SYNE1: variants seen among roughly 807,000 people sequenced by gnomAD.
The protein encoded by SYNE1 is nesprin-1.
SYNE1 carries 616 observed loss-of-function variants against 1,111.0 expected under a neutral mutation model. The ratio of observed to expected loss-of-function variants is 0.55; its 90% CI spans 0.52 to 0.59. The LOEUF (loss-of-function observed/expected upper bound fraction) is 0.59. Among genes scored for constraint, SYNE1 ranks in the 20% least tolerant of loss-of-function variants. SYNE1 has a pLI of 0.00. For synonymous variants in SYNE1, 3,855 were observed against 3,825.8 expected, an observed-to-expected ratio of 1.01 and a Z score of -0.28; for missense variants, 10,006 against 10,417.0, an observed-to-expected ratio of 0.96 and a Z score of 1.72.
intron 124 of SYNE1, 84 bp downstream of exon 124, chr6:152,211,410 T>TTCA: frequency 8.9e-7 from 1 of 1,128,242 alleles, no homozygotes; most frequent in Non-Finnish European, 1.3e-6. Context: ...GAAGATTGGA[T>TTCA]ATATGCCCTC....
intron 55 of SYNE1, among the ~76,000 whole-genome samples, chr6:152,383,441 C>T (rs1034861080): frequency 6.6e-6 from 1 of 152,128 alleles, no homozygotes; most frequent in African/African-American, 2.4e-5. Flanking sequence ...ACTGGTTGCC[C>T]AACAGCCTCA....
chr6:152,514,720 A>G (rs2099102946), intron 6 of SYNE1, among the ~76,000 whole-genome samples: 1 of 152,166 alleles, frequency 6.6e-6, no homozygotes, highest in Non-Finnish European at 1.5e-5. Context: ...CACACAAAGA[A>G]AATGTCATGC....
intron 3 of SYNE1, among the ~76,000 whole-genome samples, chr6:152,602,542 AG>A (rs2099598665): frequency 6.6e-6 from 1 of 152,208 alleles, no homozygotes; most frequent in South Asian, 2.1e-4. Flanking sequence ...AAGGTAACAC[AG>A]GTACATCTGC....
intron 129 of SYNE1, among the ~76,000 whole-genome samples, chr6:152,177,280 G>A (rs1282876460): frequency 1.3e-5 from 2 of 152,146 alleles, no homozygotes; most frequent in Non-Finnish European, 2.9e-5. Flanking sequence ...CAAGAGATAA[G>A]CACGAAATGG....
chr6:152,514,670 A>C (rs1162801188), intron 6 of SYNE1, among the ~76,000 whole-genome samples: 1 of 152,014 alleles, frequency 6.6e-6, no homozygotes, highest in East Asian at 1.9e-4. Flanking sequence ...AAAAAAAAAA[A>C]AATGAAGAGA....
rs2095499199 is a variant in SYNE1, at chr6:152,310,005, C to T, written c.17032G>A (p.Glu5678Lys). 7.4e-6 allele frequency: 12 copies of T among 1,613,792 alleles called. No individual in the cohort carries two copies. Among genetic ancestry groups the T allele is most frequent in the African/African-American group, 1.3e-5 (1 of 75,006 alleles). Residue 5678 changes from glutamate (E) to lysine (K), a missense_variant, in exon 90 of 146, where the codon GAG becomes AAG. By Grantham distance (56) the Glu-to-Lys change is moderately conservative. This residue lies in a region of SYNE1 where 4,955 missense variants were observed against 5,017.2 expected (regional missense o/e 0.99). Coordinates refer to ENST00000367255, the MANE Select transcript of SYNE1 (RefSeq NM_182961.4). The stretch of plus-strand genomic sequence containing the variant: ...ACCTTCGGCTTCAGTGACTCCATCT[C>T]AGACAACAAATGCTGAAAATGCAAT... ...QLSHRQHLLSEMESLKPKVQA... is the reference protein window; with the variant it reads ...QLSHRQHLLSKMESLKPKVQA...
At chr6:152,271,620 T>C (rs1240564785) in intron 98 of SYNE1, among the ~76,000 whole-genome samples, 1 of 152,210 alleles carries the variant, frequency 6.6e-6, no homozygotes, top group African/African-American at 2.4e-5. Flanking sequence ...CTGGAACCCA[T>C]GATTTTCTGC....
At chr6:152,579,354 T>C (rs141289155) in intron 3 of SYNE1, among the ~76,000 whole-genome samples, 1 of 152,328 alleles carries the variant, frequency 6.6e-6, no homozygotes, top group Non-Finnish European at 1.5e-5. Context: ...TCAGCTACCA[T>C]GTTGTGAGGA....
intron 127 of SYNE1, among the ~76,000 whole-genome samples, chr6:152,197,620 C>A (rs149610133): frequency 1.3e-5 from 2 of 152,278 alleles, no homozygotes; most frequent in East Asian, 3.9e-4. Flanking sequence ...AGGGTGACTA[C>A]GTGCATTATC....
At position 152,520,549 on chromosome 6, in the gene SYNE1, A is replaced by C. The variant is rs762635667; in HGVS notation, c.226-7T>G. ...GGCGTCCTTGTTCACAAGGCTGTAA[A>C]AAGTGGGGTAAAAAAGGGAATGAGA... On this transcript the variant is annotated splice_region_variant and splice_polypyrimidine_tract_variant and intron_variant, in intron 5 of 145. Transcript: ENST00000367255. 5.0e-6 allele frequency: 8 copies of C among 1,613,586 alleles called. No individual in the cohort carries two copies. Among genetic ancestry groups the C allele is most frequent in the Non-Finnish European group, 6.8e-6 (8 of 1,179,620 alleles).
At chr6:152,384,750 G>A (rs1178400897) in intron 55 of SYNE1, among the ~76,000 whole-genome samples, 2 of 152,052 alleles carry the variant, frequency 1.3e-5, no homozygotes, top group African/African-American at 2.4e-5. Flanking sequence ...GTGGTGGTCA[G>A]CACCTGTAAT....
chr6:152,182,988 A>AACTC (rs113956064), intron 128 of SYNE1, among the ~76,000 whole-genome samples: 95,369 of 151,576 alleles, frequency 0.63, 31,695 homozygotes, highest in African/African-American at 0.87. Context: ...AAGGGCAGTG[A>AACTC]ACTTGGGGTA....
chr6:152,221,509 G>T lies in SYNE1; in HGVS notation c.21573C>A (p.Gly7191=), dbSNP rs1259790868. Residue 7191 remains glycine (G), a synonymous_variant, in exon 118 of 146, where the codon GGC becomes GGA. Coordinates refer to ENST00000367255, the MANE Select transcript of SYNE1 (RefSeq NM_182961.4). The stretch of plus-strand genomic sequence containing the variant: ...CTTTTAATAATTGGTTGGTGATAGA[G>T]CCAAATTTCTGTAAGCTCCTTTCCT... ...EKQERSLQKF[G]SITNQLLKEC... 6.2e-7 allele frequency: 1 copy of T among 1,613,744 alleles called. No individual in the cohort carries two copies. Among genetic ancestry groups the T allele is most frequent in the Non-Finnish European group, 8.5e-7 (1 of 1,179,930 alleles).
chr6:152,214,939 G>C lies in SYNE1; in HGVS notation c.22313C>G (p.Ser7438Cys). Residue 7438 changes from serine to cysteine, a missense_variant, in exon 122 of 146, where the codon TCT (serine) becomes TGT (cysteine). By Grantham distance (112) the Ser-to-Cys change is moderately radical. Around this residue, in one of 7 missense-constraint regions of SYNE1, gnomAD observed 2,182 missense variants for 2,287.8 expected, o/e 0.95. Coordinates refer to ENST00000367255, the MANE Select transcript of SYNE1 (RefSeq NM_182961.4). ...TTCTGTAGTCTGAGAGGAGATCAGA[G>C]ACCAATGGCGGTTCAGATTCTGCAT... is the stretch of plus-strand genomic sequence containing the variant. ...KRMQNLNRHW[S>C]LISSQTTERF... is the part of the protein sequence containing the mutation. 6.2e-7 allele frequency: 1 copy of C among 1,614,142 alleles called. No homozygotes were observed. Among genetic ancestry groups the C allele is most frequent in the Non-Finnish European group, 8.5e-7 (1 of 1,179,994 alleles).
chr6:152,143,034 T>C (rs780238243), intron 138 of SYNE1, among the ~76,000 whole-genome samples: 1 of 152,164 alleles, frequency 6.6e-6, no homozygotes, highest in Non-Finnish European at 1.5e-5. Context: ...GTAACTCGAG[T>C]AGGGCAAATA....
chr6:152,616,720 A>G (rs1005129274), intron 3 of SYNE1, among the ~76,000 whole-genome samples: 1 of 152,110 alleles, frequency 6.6e-6, no homozygotes, highest in Non-Finnish European at 1.5e-5. Flanking sequence ...TTTTACTTCC[A>G]TTCTTCTTAT....
chr6:152,225,302 C>T (rs1418982327), intron 116 of SYNE1, among the ~76,000 whole-genome samples: 1 of 103,718 alleles, frequency 9.6e-6, no homozygotes, highest in Non-Finnish European at 2.0e-5. Context: ...CACACACACA[C>T]GCACACACAC....
At chr6:152,620,953 G>A (rs536547082) in intron 3 of SYNE1, among the ~76,000 whole-genome samples, 4 of 152,300 alleles carry the variant, frequency 2.6e-5, no homozygotes, top group African/African-American at 9.6e-5. Context: ...AGCAACAGAA[G>A]ATAATTGTCA....
At chr6:152,452,851 C>T (rs991025692) in intron 25 of SYNE1, among the ~76,000 whole-genome samples, 6 of 152,296 alleles carry the variant, frequency 3.9e-5, no homozygotes, top group South Asian at 2.1e-4. Flanking sequence ...CGCGGGCCCC[C>T]GTGTCCCGCT....
Sources: gnomAD v4.1 joint callset for allele counts (sites outside exome capture counted in the v4.1 genomes callset) on GRCh38, gnomAD v4.1.1 for gene constraint, gnomAD v4.1.1 regional missense constraint, MANE v1.5 for transcripts, NCBI Gene and HGNC (gene_info 2026-07-23, HGNC 2026-07-21) for gene names.